COX7A2L: variants seen among roughly 807,000 people sequenced by gnomAD.
COX7A2L encodes cytochrome c oxidase subunit 7A2 like, also known as cytochrome c oxidase subunit 7A2-like, mitochondrial.
In COX7A2L, 18 loss-of-function variants were observed where a neutral mutation model predicts 14.2. The observed-to-expected ratio is 1.27, with a 90% confidence interval of 0.88 to 1.88. The LOEUF is 1.88. Among genes scored for constraint, COX7A2L ranks in the 40% most tolerant of loss-of-function variants. The pLI is 0.00. For missense variants in COX7A2L, 179 were observed against 138.8 expected (o/e 1.29, Z -1.46); for synonymous variants, 65 against 57.4 (o/e 1.13, Z -0.60).
At chr2:42,358,922 G>T (rs1670921826) in intron 1 of COX7A2L, among the ~76,000 whole-genome samples, 1 of 152,060 alleles carries the variant, frequency 6.6e-6, no homozygotes. Flanking sequence ...CCTGAGCCGG[G>T]GAGTTCGAGA....
downstream of COX7A2L, among the ~76,000 whole-genome samples, chr2:42,347,870 G>A (rs145085694): frequency 2.9e-3 from 434 of 152,242 alleles, 12 homozygotes; most frequent in East Asian, 0.062. Flanking sequence ...GCGGTGAGCC[G>A]AGATGGCGCC....
At chr2:42,345,847 G>A (rs1670485447), downstream of COX7A2L, among the ~76,000 whole-genome samples, 1 of 152,188 alleles carries the variant, frequency 6.6e-6, no homozygotes, top group South Asian at 2.1e-4. Flanking sequence ...TGCATGGCCT[G>A]GAGGAGGTGA....
intron 1 of COX7A2L, among the ~76,000 whole-genome samples, chr2:42,355,807 C>A (rs189725413): frequency 7.1e-6 from 1 of 140,232 alleles, no homozygotes; most frequent in Admixed American, 7.6e-5. Flanking sequence ...CTCACTGCAA[C>A]CTCTGCCTCT....
Position 42,353,283 on chromosome 2 carries a change from G to C in COX7A2L, c.133C>G (p.Leu45Val), listed in dbSNP as rs1670706258. Residue 45 changes from leucine to valine, a missense_variant, in exon 2 of 3, where the codon CTG (leucine) becomes GTG (valine). Leu to Val is a conservative substitution (Grantham distance 32). Coordinates refer to ENST00000234301, the MANE Select transcript of COX7A2L (RefSeq NM_004718.4). Reference sequence around the variant, plus strand: ...TCATACACTGTGGAATCGGAGGTCAGTTTAGTTGGTGTGGCAAATATGATA... The same window carrying C: ...TCATACACTGTGGAATCGGAGGTCACTTTAGTTGGTGTGGCAAATATGATA... ...PPIIFATPTK[L>V]TSDSTVYDYA... 6.2e-7 allele frequency: 1 copy of C among 1,614,030 alleles called. No homozygotes were observed. The highest frequency in any genetic ancestry group is 1.3e-5 in the African/African-American group (1 of 74,916).
At chr2:42,368,801 T>G (rs1306606406) in intron 1 of COX7A2L, 2 of 152,224 alleles carry the variant, frequency 1.3e-5, no homozygotes, top group African/African-American at 4.8e-5. Flanking sequence ...TTATCAATCC[T>G]CTTCTCCAGT....
intron 2 of COX7A2L, among the ~76,000 whole-genome samples, chr2:42,341,261 A>T (rs946998364): frequency 6.6e-6 from 1 of 152,144 alleles, no homozygotes; most frequent in Admixed American, 6.5e-5. Context: ...GAGAACTCAC[A>T]TCTACCCCTT....
intron 2 of COX7A2L, among the ~76,000 whole-genome samples, chr2:42,336,700 C>G (rs1028888641): frequency 2.0e-5 from 3 of 152,210 alleles, no homozygotes; most frequent in African/African-American, 7.2e-5. Flanking sequence ...CCGTAGAGCT[C>G]TGTTTCAATT....
chr2:42,368,665 G>A (rs1260853294), intron 1 of COX7A2L, among the ~76,000 whole-genome samples: 2 of 152,300 alleles, frequency 1.3e-5, no homozygotes, highest in East Asian at 3.9e-4. Context: ...TCTACTTTGT[G>A]AGGATTGAGT....
chr2:42,368,704 A>T (rs1317806367), intron 1 of COX7A2L, among the ~76,000 whole-genome samples: 3 of 152,216 alleles, frequency 2.0e-5, no homozygotes, highest in Non-Finnish European at 4.4e-5. Context: ...AGGACACAGT[A>T]AGCACTCATT....
At chr2:42,346,913 T>G (rs1461025525), downstream of COX7A2L, among the ~76,000 whole-genome samples, 1 of 152,246 alleles carries the variant, frequency 6.6e-6, no homozygotes, top group East Asian at 1.9e-4. Context: ...AGAGTACTTT[T>G]TTTTAAAAAT....
intron 2 of COX7A2L, among the ~76,000 whole-genome samples, chr2:42,340,528 G>C (rs1248081160): frequency 6.6e-6 from 1 of 152,080 alleles, no homozygotes; most frequent in Non-Finnish European, 1.5e-5. Flanking sequence ...TCCAGCTCTC[G>C]GGCCTGGCCC....
At chr2:42,359,162 T>C (rs1465774079) in intron 1 of COX7A2L, 3 of 152,140 alleles carry the variant, frequency 2.0e-5, no homozygotes, top group Non-Finnish European at 2.9e-5. Flanking sequence ...AATTCCAACA[T>C]TTTCAGAGGC....
Position 42,350,530 on chromosome 2 carries a change from CAAAAT to C in COX7A2L, c.*684_*688del, listed in dbSNP as rs1160733353. 1 of 152,052 alleles carries C rather than the reference CAAAAT, an allele frequency of 6.6e-6. No individual in the cohort carries two copies. Among genetic ancestry groups the C allele is most frequent in the African/African-American group, 2.4e-5 (1 of 41,390 alleles). The allele number at this position is 152,052 out of a possible 1,614,324, so 9.4% of individuals were successfully genotyped here. A position where few individuals can be genotyped will look rare whatever the true frequency, so the allele number is the denominator to read the frequency against. On this transcript the variant is annotated 3_prime_UTR_variant, in exon 3 of 3. Transcript: ENST00000234301. Reference sequence around the variant, plus strand: ...TTCATTCATGTATTTATTCCACAGTCAAAATAAATCAAAATTTAAAGCTATAACAT... The same window carrying C: ...TTCATTCATGTATTTATTCCACAGTCAAATCAAAATTTAAAGCTATAACAT...
At chr2:42,352,048 G>A (rs1670664130) in intron 2 of COX7A2L, among the ~76,000 whole-genome samples, 1 of 152,236 alleles carries the variant, frequency 6.6e-6, no homozygotes, top group Non-Finnish European at 1.5e-5. Flanking sequence ...CTGATCATAA[G>A]TGGATGGGGT....
chr2:42,346,930 G>A (rs576279387), downstream of COX7A2L, among the ~76,000 whole-genome samples: 1 of 151,492 alleles, frequency 6.6e-6, no homozygotes, highest in Non-Finnish European at 1.5e-5. Context: ...AAATTCTTTA[G>A]AGATTGGCTT....
At chr2:42,368,672 G>A (rs539058051) in intron 1 of COX7A2L, among the ~76,000 whole-genome samples, 2 of 152,318 alleles carry the variant, frequency 1.3e-5, no homozygotes, top group East Asian at 3.9e-4. Flanking sequence ...TGTGAGGATT[G>A]AGTTTATTCA....
At chr2:42,341,142 G>A (rs1004680456) in intron 2 of COX7A2L, among the ~76,000 whole-genome samples, 1 of 152,112 alleles carries the variant, frequency 6.6e-6, no homozygotes, top group Non-Finnish European at 1.5e-5. Context: ...TCCCACAGGG[G>A]GACACAGTGG....
At chr2:42,360,703 G>A (rs1670998130) in intron 1 of COX7A2L, among the ~76,000 whole-genome samples, 1 of 59,948 alleles carries the variant, frequency 1.7e-5, no homozygotes, top group Non-Finnish European at 3.2e-5. Flanking sequence ...CTGCCTATGG[G>A]GCTCTGGCAG....
At position 42,338,784 on chromosome 2, in the gene COX7A2L, C is replaced by T. The variant is rs1252327901; in HGVS notation, c.193-4915G>A. On this transcript the variant is annotated intron_variant, in intron 2 of 2. Transcript: ENST00000468711. This position sits in a 1 kb window ranked among gnomAD's most constrained non-coding sequence, Gnocchi z 4.4. ...GGAGAATTACTGCTTCCCATGAAAG[C>T]ATTTTCCAGTGAGTGGAGGTGGGTT... Among the ~76,000 whole-genome samples the T allele has an allele frequency of 2.0e-5, 3 of 152,230 alleles. No individual in the cohort carries two copies. The highest frequency in any genetic ancestry group is 4.4e-5 in the Non-Finnish European group (3 of 68,040).
Sources: gnomAD v4.1 joint callset for allele counts (sites outside exome capture counted in the v4.1 genomes callset) on GRCh38, gnomAD v4.1.1 for gene constraint, Gnocchi (gnomAD v3.1) non-coding constraint, MANE v1.5 for transcripts, NCBI Gene and HGNC (gene_info 2026-07-23, HGNC 2026-07-21) for gene names.